The following GCC2 variants were observed in gnomAD, a reference collection of about 807,000 sequenced individuals.
GCC2 encodes the protein GRIP and coiled-coil domain containing 2.
Under a neutral mutation model 210.6 loss-of-function variants are expected in GCC2, and 120 were observed. The observed-to-expected ratio is 0.57, with a 90% CI of 0.49 to 0.66. The LOEUF is 0.66. Ranked by LOEUF, GCC2 falls within the 30% of genes least tolerant of loss-of-function variation. GCC2 has a pLI of 0.00. For synonymous variants in GCC2, 703 were observed against 652.7 expected, an observed-to-expected ratio of 1.08 and a Z score of -1.17; for missense variants, 1,868 against 1,871.9, an observed-to-expected ratio of 1.00 and a Z score of 0.04.
Position 108,451,178 on chromosome 2 carries a change from T to TA in GCC2, c.148+70dup, listed in dbSNP as rs1397167803. The TA allele has an allele frequency of 4.3e-6, 4 of 939,938 alleles. No homozygotes were observed. In the African/African-American group the frequency reaches 6.6e-5, roughly 16 times the overall value. The allele number at this position is 939,938 out of a possible 1,614,324, so 58.2% of individuals were successfully genotyped here. On this transcript the variant is annotated intron_variant, in intron 3 of 22. Coordinates refer to ENST00000309863, the MANE Select transcript of GCC2 (RefSeq NM_181453.4). Reference sequence around the variant, plus strand: ...AATCGTGGTTTAAAATGGTAGTTTTTAAAATAATGCATTGGCTTGTTTTTG... The same window carrying TA: ...AATCGTGGTTTAAAATGGTAGTTTTTAAAAATAATGCATTGGCTTGTTTTTG...
At chr2:108,493,512 G>A in intron 19 of GCC2, 3 of 986,230 alleles carry the variant, frequency 3.0e-6, no homozygotes, top group Non-Finnish European at 3.6e-6. Context: ...CACTCAAGCG[G>A]CACTGAATGT....
At chr2:108,452,138 T>G (rs1003204689) in intron 3 of GCC2, among the ~76,000 whole-genome samples, 2 of 152,164 alleles carry the variant, frequency 1.3e-5, no homozygotes, top group East Asian at 3.8e-4. Context: ...TGAAATAATA[T>G]GATGTCTGGG....
chr2:108,486,621 A>G lies in GCC2; in HGVS notation c.3903A>G (p.Ala1301=). ...TLSAYQQRVT[A]LQEECRAAKA... ...GTGCATACCAGCAGAGAGTGACAGCACTACAGGAAGAGTGCCGTGCTGCCA... is the reference window on the plus strand; with the variant it reads ...GTGCATACCAGCAGAGAGTGACAGCGCTACAGGAAGAGTGCCGTGCTGCCA... Residue 1301 remains alanine, a synonymous_variant, in exon 16 of 23, where the codon GCA becomes GCG. Transcript: ENST00000309863. 1 of 1,613,884 alleles carries G rather than the reference A, an allele frequency of 6.2e-7. No individual in the cohort carries two copies. Among genetic ancestry groups the G allele is most frequent in the Non-Finnish European group, 8.5e-7 (1 of 1,179,906 alleles).
chr2:108,458,462 C>T (rs1415128895), intron 4 of GCC2, among the ~76,000 whole-genome samples: 1 of 146,092 alleles, frequency 6.8e-6, no homozygotes, highest in Non-Finnish European at 1.5e-5. Context: ...GGGAAAATTG[C>T]CACCTCTTCA....
intron 22 of GCC2, among the ~76,000 whole-genome samples, chr2:108,500,531 A>C (rs1040516187): frequency 1.9e-4 from 29 of 152,200 alleles, no homozygotes; most frequent in African/African-American, 5.8e-4. Flanking sequence ...TCAACAACAA[A>C]AAAAAACTAT....
chr2:108,458,523 G>A (rs1430632064), intron 4 of GCC2, among the ~76,000 whole-genome samples: 1 of 151,854 alleles, frequency 6.6e-6, no homozygotes, highest in Non-Finnish European at 1.5e-5. Flanking sequence ...TATACATTTG[G>A]TAGAATTCAG....
intron 18 of GCC2, among the ~76,000 whole-genome samples, chr2:108,491,773 A>AT (rs1463514968): frequency 7.5e-4 from 112 of 150,332 alleles, no homozygotes; most frequent in African/African-American, 2.7e-3. Flanking sequence ...AAATTTATTT[A>AT]TTTATTTATT....
At chr2:108,461,511 T>G (rs1680569642) in intron 4 of GCC2, among the ~76,000 whole-genome samples, 1 of 152,188 alleles carries the variant, frequency 6.6e-6, no homozygotes, top group Non-Finnish European at 1.5e-5. Context: ...TTTTTGGTTT[T>G]GTTTTGTTTT....
chr2:108,488,702 A>T (rs1175052878), intron 17 of GCC2, among the ~76,000 whole-genome samples: 1 of 151,486 alleles, frequency 6.6e-6, no homozygotes, highest in African/African-American at 2.4e-5. Context: ...TGGGAGTAAG[A>T]GAGAGAGAGG....
intron 4 of GCC2, among the ~76,000 whole-genome samples, chr2:108,460,275 T>C (rs989353992): frequency 4.6e-5 from 7 of 152,214 alleles, no homozygotes; most frequent in Admixed American, 3.3e-4. Flanking sequence ...GCATTTTTTG[T>C]GGGCAGCACG....
At chr2:108,450,850 C>G (rs1003871372) in intron 2 of GCC2, among the ~76,000 whole-genome samples, 178 bp from the exon 3 acceptor site, 4 of 152,140 alleles carry the variant, frequency 2.6e-5, no homozygotes, top group Admixed American at 6.5e-5. Flanking sequence ...GTCATGCACT[C>G]CGGCCTGGGC....
intron 4 of GCC2, among the ~76,000 whole-genome samples, chr2:108,466,624 C>G (rs559178853): frequency 1.3e-5 from 2 of 151,990 alleles, no homozygotes; most frequent in African/African-American, 4.8e-5. Context: ...AGGCGCCCAC[C>G]ACCACACCTG....
intron 9 of GCC2, among the ~76,000 whole-genome samples, chr2:108,476,374 ATTG>A (rs985568477): frequency 1.2e-4 from 18 of 152,136 alleles, no homozygotes; most frequent in African/African-American, 3.1e-4. Context: ...GTGCCTTTAA[ATTG>A]TTGTTTATAA....
chr2:108,477,840 G>A (rs1399700393), intron 9 of GCC2, among the ~76,000 whole-genome samples: 1 of 152,122 alleles, frequency 6.6e-6, no homozygotes, highest in East Asian at 1.9e-4. Flanking sequence ...GAGGCCAGGA[G>A]TTTGAGATCA....
intron 19 of GCC2, chr2:108,493,590 G>A (rs1029074232): frequency 2.0e-6 from 2 of 985,314 alleles, no homozygotes; most frequent in African/African-American, 3.5e-5. Flanking sequence ...TTTTAGTTCA[G>A]CCACACCCAG....
At chr2:108,507,416 CAAA>C (rs370993594) in intron 22 of GCC2, 141 bp from the exon 23 acceptor site, 1 of 306,950 alleles carries the variant, frequency 3.3e-6, no homozygotes, top group East Asian at 1.2e-4. Context: ...CCCCCCCCCC[CAAA>C]AAAAAGGCAT....
intron 17 of GCC2, 35 bp downstream of exon 17, chr2:108,487,855 C>CCA (rs756998017): frequency 1.3e-6 from 2 of 1,595,616 alleles, no homozygotes; most frequent in East Asian, 4.5e-5. Context: ...AGTTTTCCTC[C>CCA]CACAATGCAG....
Position 108,471,471 on chromosome 2 carries a change from A to G in GCC2, c.2142A>G (p.Gln714=), listed in dbSNP as rs186457569. The change falls in exon 6 of 23, where the codon CAA becomes CAG. Residue 714 remains glutamine, a synonymous_variant. Transcript: ENST00000309863. The stretch of plus-strand genomic sequence containing the variant: ...GGGATTTGGAGGTTTTTTTGTCTCA[A>G]AAAGAAGATGTTATCCTTAAAGAAC... ...LSRDLEVFLS[Q]KEDVILKEHI... 107 of 1,610,214 alleles carry G rather than the reference A, an allele frequency of 6.6e-5. No individual in the cohort carries two copies. The East Asian group carries it at 2.2e-3, about 33-fold the overall frequency.
intron 22 of GCC2, among the ~76,000 whole-genome samples, chr2:108,505,841 A>G (rs1683156268): frequency 6.6e-6 from 1 of 152,222 alleles, no homozygotes; most frequent in African/African-American, 2.4e-5. Context: ...GTTACGCAGC[A>G]GATTGTAAAT....
Sources: allele counts gnomAD v4.1 joint callset (sites outside exome capture counted in the v4.1 genomes callset), GRCh38; gene constraint gnomAD v4.1.1; transcripts MANE v1.5; gene names NCBI Gene and HGNC (gene_info 2026-07-23, HGNC 2026-07-21).